Variants in SPIDR observed in about 807,000 individuals in gnomAD.
The protein encoded by SPIDR is DNA repair-scaffolding protein.
A neutral mutation model predicts 104.6 loss-of-function variants in SPIDR; 93 were observed. The observed-to-expected ratio is 0.89, with a 90% CI of 0.75 to 1.06. The LOEUF (loss-of-function observed/expected upper bound fraction) is 1.06, where lower values mean the gene tolerates loss of function less well. SPIDR is among the 50% of genes least tolerant of loss of function. The pLI, the probability that SPIDR is intolerant of heterozygous loss-of-function variation, is 0.00. For missense variants in SPIDR, 1,154 were observed against 1,111.2 expected (o/e 1.04, Z -0.55); for synonymous variants, 431 against 416.9 (o/e 1.03, Z -0.41).
At chr8:47,422,575 G>A (rs542620491) in intron 7 of SPIDR, among the ~76,000 whole-genome samples, 13 of 152,340 alleles carry the variant, frequency 8.5e-5, no homozygotes, top group East Asian at 1.9e-4. Flanking sequence ...GCGATGTCTC[G>A]CCCTGCTTCG....
At chr8:47,725,292 C>T (rs1036218672) in intron 16 of SPIDR, among the ~76,000 whole-genome samples, 2 of 152,218 alleles carry the variant, frequency 1.3e-5, no homozygotes, top group East Asian at 3.8e-4. Context: ...AAACTAAAGA[C>T]TTAATGGCAA....
In SPIDR at chr8:47,477,036, T is replaced by C. The variant is rs1299404391; in HGVS notation, c.1097+36494T>C. On this transcript the variant is annotated intron_variant, in intron 8 of 19. Transcript: ENST00000297423. ...CCAGAGTAACAGCTCAGTGAAATTG[T>C]ATATTCTGTAGTATTTATTGGCCCT... is the stretch of plus-strand genomic sequence containing the variant. Among the ~76,000 whole-genome samples, 6 of 152,214 alleles carry C rather than the reference T, an allele frequency of 3.9e-5. No individual in the cohort carries two copies. The East Asian group carries it at 1.2e-3, about 29-fold the overall frequency.
At chr8:47,429,431 G>A (rs948322482) in intron 7 of SPIDR, among the ~76,000 whole-genome samples, 1 of 152,126 alleles carries the variant, frequency 6.6e-6, no homozygotes, top group African/African-American at 2.4e-5. Flanking sequence ...GGATAAGCTG[G>A]GCACCAGGCC....
intron 8 of SPIDR, among the ~76,000 whole-genome samples, chr8:47,555,559 T>A (rs1021605673): frequency 6.6e-6 from 1 of 152,186 alleles, no homozygotes; most frequent in African/African-American, 2.4e-5. Flanking sequence ...AAATCTATAG[T>A]GTTAACAGCT....
At chr8:47,494,594 C>CT (rs1289590952) in intron 8 of SPIDR, among the ~76,000 whole-genome samples, 1 of 151,870 alleles carries the variant, frequency 6.6e-6, no homozygotes, top group Non-Finnish European at 1.5e-5. Context: ...AACAATACGG[C>CT]TTAGGATACT....
chr8:47,345,536 C>T (rs961948279), intron 5 of SPIDR, among the ~76,000 whole-genome samples: 28 of 152,166 alleles, frequency 1.8e-4, no homozygotes, highest in Admixed American at 5.2e-4. Context: ...GGCATTGAAT[C>T]TATAAATTAC....
intron 5 of SPIDR, among the ~76,000 whole-genome samples, chr8:47,388,082 CG>C (rs1292740816): frequency 1.3e-5 from 2 of 152,106 alleles, no homozygotes; most frequent in African/African-American, 2.4e-5. Flanking sequence ...GTATCTTTAT[CG>C]GTTGAGAATT....
intron 5 of SPIDR, among the ~76,000 whole-genome samples, chr8:47,362,004 A>G (rs1345564218): frequency 1.3e-5 from 2 of 152,220 alleles, no homozygotes; most frequent in African/African-American, 4.8e-5. Context: ...AGTCAGAGGT[A>G]GACCTCGAAG....
At chr8:47,689,225 G>C (rs553212083) in intron 11 of SPIDR, among the ~76,000 whole-genome samples, 1 of 152,156 alleles carries the variant, frequency 6.6e-6, no homozygotes, top group East Asian at 1.9e-4. Context: ...AGGCAGGGCC[G>C]CAGGAAGCAT....
rs538160966 is a variant in SPIDR, at chr8:47,447,483, G to A, written c.1097+6941G>A. Among the ~76,000 whole-genome samples the A allele has an allele frequency of 2.0e-5, 3 of 152,288 alleles. No individual in the cohort carries two copies. The East Asian group carries it at 5.8e-4, about 29-fold the overall frequency. Reference sequence around the variant, plus strand: ...CCTGCCTCAGACTCCCAAAGTGCTGGGACTACAGGCGTGAGCCACCGCGCC... The same window carrying A: ...CCTGCCTCAGACTCCCAAAGTGCTGAGACTACAGGCGTGAGCCACCGCGCC... On this transcript the variant is annotated intron_variant, in intron 8 of 19. Transcript: ENST00000297423.
At chr8:47,333,361 G>T (rs1285083754) in intron 5 of SPIDR, among the ~76,000 whole-genome samples, 6 of 152,136 alleles carry the variant, frequency 3.9e-5, no homozygotes, top group Non-Finnish European at 8.8e-5. Context: ...GAATGCAGTG[G>T]TGCAATCTTG....
chr8:47,592,311 T>G (rs879944911), intron 8 of SPIDR: 17 of 1,110,478 alleles, frequency 1.5e-5, no homozygotes, highest in Admixed American at 5.1e-5. Flanking sequence ...GGATCTGCAG[T>G]GCTGGGGACC....
chr8:47,322,331 G>A (rs542454487), intron 5 of SPIDR, among the ~76,000 whole-genome samples: 1 of 152,314 alleles, frequency 6.6e-6, no homozygotes, highest in African/African-American at 2.4e-5. Context: ...AAAGACACTT[G>A]AAAAGATGCT....
chr8:47,410,793 A>G (rs1799112956), intron 7 of SPIDR, among the ~76,000 whole-genome samples: 1 of 151,856 alleles, frequency 6.6e-6, no homozygotes, highest in African/African-American at 2.4e-5. Flanking sequence ...ATATCTCCTA[A>G]TGTTATCCCT....
chr8:47,672,711 C>G (rs1483547094), intron 10 of SPIDR, among the ~76,000 whole-genome samples: 1 of 152,192 alleles, frequency 6.6e-6, no homozygotes, highest in African/African-American at 2.4e-5. Flanking sequence ...ATTCTAATAT[C>G]TCAAGTCCCC....
chr8:47,379,634 G>T (rs558536920), intron 5 of SPIDR, among the ~76,000 whole-genome samples: 2 of 152,312 alleles, frequency 1.3e-5, no homozygotes, highest in Admixed American at 1.3e-4. Flanking sequence ...TTAAATTGTG[G>T]CTAAAGGAGT....
At chr8:47,654,901 G>A (rs574604985) in intron 10 of SPIDR, among the ~76,000 whole-genome samples, 117 of 145,822 alleles carry the variant, frequency 8.0e-4, no homozygotes, top group African/African-American at 2.1e-3. Flanking sequence ...AACAGGCCCC[G>A]GTGTGTCATG....
At chr8:47,420,815 G>A (rs1454191753) in intron 7 of SPIDR, among the ~76,000 whole-genome samples, 1 of 152,162 alleles carries the variant, frequency 6.6e-6, no homozygotes, top group Non-Finnish European at 1.5e-5. Flanking sequence ...GCCTGGTGGT[G>A]ACAAAATCTC....
intron 8 of SPIDR, among the ~76,000 whole-genome samples, chr8:47,481,487 A>T (rs2154361829): frequency 6.6e-6 from 1 of 152,236 alleles, no homozygotes; most frequent in South Asian, 2.1e-4. Context: ...AAAAAGATAG[A>T]AAAATTAGCA....
Sources: gnomAD v4.1 joint callset for allele counts (sites outside exome capture counted in the v4.1 genomes callset) on GRCh38, gnomAD v4.1.1 for gene constraint, MANE v1.5 for transcripts, NCBI Gene and HGNC (gene_info 2026-07-23, HGNC 2026-07-21) for gene names.